Variants in PRAMEF1 observed in about 807,000 individuals in gnomAD.
PRAMEF1 encodes PRAME family member 1.
Under a neutral mutation model 38.2 loss-of-function variants are expected in PRAMEF1, and 21 were observed. The observed-to-expected ratio is 0.55, with a 90% CI of 0.39 to 0.79. PRAMEF1 has a LOEUF of 0.79. Ranked by LOEUF, PRAMEF1 falls within the 30% of genes least tolerant of loss-of-function variation. The probability of loss-of-function intolerance (pLI) is 0.00; values close to 1 mark genes in which losing one functional copy is unlikely to be tolerated. For synonymous variants in PRAMEF1, 200 were observed against 229.0 expected (o/e 0.87, Z 1.14); for missense variants, 497 against 565.8 (o/e 0.88, Z 1.23).
At position 12,793,433 on chromosome 1, in the gene PRAMEF1, T is replaced by C; in HGVS notation, c.206T>C (p.Leu69Pro). 1 of 1,610,042 alleles carries C rather than the reference T, an allele frequency of 6.2e-7. No homozygotes were observed. The highest frequency in any genetic ancestry group is 8.5e-7 in the Non-Finnish European group (1 of 1,177,928). ...WPFTCLPLGS[L>P]MKTLHLETLK... ...TTCACCTGCCTCCCTCTGGGATCAC[T>C]GATGAAGACGCTTCATTTGGAGACC... The change falls in exon 2 of 4, where the codon CTG becomes CCG. Residue 69 changes from leucine (L) to proline (P), a missense_variant. By Grantham distance (98) the Leu-to-Pro change is moderately conservative (BLOSUM62 -3). Coordinates refer to ENST00000332296, the MANE Select transcript of PRAMEF1 (RefSeq NM_023013.4).
chr1:12,791,850 A>T (rs1226893793), intron 1 of PRAMEF1, among the ~76,000 whole-genome samples: 1 of 150,786 alleles, frequency 6.6e-6, no homozygotes, highest in African/African-American at 2.4e-5. Context: ...CCTTAAAGGT[A>T]TCCCACACAG....
In PRAMEF1 at chr1:12,796,067, T is replaced by C. The variant is rs1461230621; in HGVS notation, c.*71T>C. The C allele has an allele frequency of 5.8e-6, 8 of 1,387,544 alleles. 1 individual carries two copies. In the East Asian group the frequency reaches 7.3e-5, roughly 13 times the overall value. 86.0% of individuals were successfully genotyped at this position (1,387,544 alleles called of 1,614,324 possible). On this transcript the variant is annotated 3_prime_UTR_variant, in exon 4 of 4. Transcript: ENST00000332296. Reference sequence around the variant, plus strand: ...GGCACTTGGACACTAAAATCTACTATGTGGGTGCAAACTATTTTTCTCTTT... The same window carrying C: ...GGCACTTGGACACTAAAATCTACTACGTGGGTGCAAACTATTTTTCTCTTT...
intron 2 of PRAMEF1, among the ~76,000 whole-genome samples, 151 bp from the exon 3 acceptor site, chr1:12,793,759 CAAAAG>C (rs1466670859): frequency 6.6e-6 from 1 of 151,194 alleles, no homozygotes; most frequent in African/African-American, 2.4e-5. Flanking sequence ...AGTGGGGAAT[CAAAAG>C]TCAGAATCAA....
In PRAMEF1 at chr1:12,793,077, A is replaced by G. The variant is rs1178012442; in HGVS notation, c.-25-126A>G. On this transcript the variant is annotated intron_variant, in intron 1 of 3. Coordinates refer to ENST00000332296, the MANE Select transcript of PRAMEF1 (RefSeq NM_023013.4). ...TCAGTGGAGCAATGGAAGAAAATTA[A>G]TAAGTCAGTGGTCTCCATGACCCCT... The G allele has an allele frequency of 1.3e-5, 17 of 1,290,014 alleles. No homozygotes were observed. In the African/African-American group the frequency reaches 2.4e-4, roughly 18 times the overall value. 79.9% of individuals were successfully genotyped at this position (1,290,014 alleles called of 1,614,324 possible). A position where few individuals can be genotyped will look rare whatever the true frequency, so the allele number is the denominator to read the frequency against.
intron 3 of PRAMEF1, 33 bp from the exon 4 acceptor site, chr1:12,795,405 C>T (rs771399098): frequency 6.2e-7 from 1 of 1,609,322 alleles, no homozygotes; most frequent in South Asian, 1.1e-5. Flanking sequence ...TAACTGGTAT[C>T]ACTGCCCAGA....
rs200125597 is a variant in PRAMEF1, at chr1:12,794,453, T to A, written c.826T>A (p.Leu276Met). The A allele has an allele frequency of 3.7e-4, 590 of 1,602,574 alleles. 77 individuals carry two copies. The highest frequency in any genetic ancestry group is 1.4e-3 in the South Asian group (129 of 90,110). Residue 276 changes from leucine (L) to methionine (M), a missense_variant, in exon 3 of 4, where the codon TTG becomes ATG. Around this residue, in one of 2 missense-constraint regions of PRAMEF1, gnomAD observed 470 missense variants for 501.9 expected, o/e 0.94. Coordinates refer to ENST00000332296, the MANE Select transcript of PRAMEF1 (RefSeq NM_023013.4). ...LEHLQLLKIKLITFFSGHLEQ... is the reference protein window; with the variant it reads ...LEHLQLLKIKMITFFSGHLEQ... Reference sequence around the variant, plus strand: ...ACACCTTCAGTTGCTTAAAATAAAATTGATCACCTTCTTCAGTGGGCACCT... The same window carrying A: ...ACACCTTCAGTTGCTTAAAATAAAAATGATCACCTTCTTCAGTGGGCACCT...
chr1:12,793,137 A>G, intron 1 of PRAMEF1, 66 bp from the exon 2 acceptor site: 1 of 1,560,854 alleles, frequency 6.4e-7, no homozygotes, highest in Non-Finnish European at 8.7e-7. Flanking sequence ...TCTTCCTGGT[A>G]CCAGTAGAAG....
At chr1:12,793,640 G>A (rs1328821819) in intron 2 of PRAMEF1, 126 bp downstream of exon 2, 2 of 1,555,128 alleles carry the variant, frequency 1.3e-6, no homozygotes, top group Admixed American at 1.8e-5. Context: ...GGAAGATCAG[G>A]GAGGCTTTGG....
At chr1:12,795,204 T>G (rs1293868567) in intron 3 of PRAMEF1, among the ~76,000 whole-genome samples, 2 of 150,902 alleles carry the variant, frequency 1.3e-5, no homozygotes, top group Non-Finnish European at 2.9e-5. Context: ...AAAAAAGGCT[T>G]TAGAGATTTT....
In PRAMEF1 at chr1:12,793,434, G is replaced by A. The variant is rs1188459711; in HGVS notation, c.207G>A (p.Leu69=). Residue 69 remains leucine (L), a synonymous_variant, in exon 2 of 4, where the codon CTG becomes CTA. Coordinates refer to ENST00000332296, the MANE Select transcript of PRAMEF1 (RefSeq NM_023013.4). ...TCACCTGCCTCCCTCTGGGATCACT[G>A]ATGAAGACGCTTCATTTGGAGACCT... is the stretch of plus-strand genomic sequence containing the variant. ...WPFTCLPLGS[L]MKTLHLETLK... The A allele has an allele frequency of 4.8e-5, 78 of 1,609,904 alleles. 4 individuals carry two copies. Among genetic ancestry groups the A allele is most frequent in the Middle Eastern group, 1.7e-4 (1 of 5,942 alleles).
intron 3 of PRAMEF1, 155 bp downstream of exon 3, chr1:12,794,648 T>C: frequency 6.6e-7 from 1 of 1,507,448 alleles, no homozygotes; most frequent in South Asian, 1.3e-5. Flanking sequence ...CAGTGTTCCA[T>C]GTCCTGGAGT....
At position 12,791,534 on chromosome 1, in the gene PRAMEF1, G is replaced by A. The variant is rs549816007; in HGVS notation, c.-26+60G>A. ...GATCAGCAGCCAGCCAGTCAGGGAC[G>A]GTGACACACATCCCAAAGTGGCACA... On this transcript the variant is annotated intron_variant, in intron 1 of 3. Coordinates refer to ENST00000332296, the MANE Select transcript of PRAMEF1 (RefSeq NM_023013.4). 5.7e-3 allele frequency: 842 copies of A among 148,042 alleles called. 14 individuals are homozygous for A. Among genetic ancestry groups the A allele is most frequent in the African/African-American group, 0.019 (765 of 40,824 alleles). 9.2% of individuals were successfully genotyped at this position (148,042 alleles called of 1,614,324 possible).
chr1:12,792,936 C>G lies in PRAMEF1; in HGVS notation c.-25-267C>G, dbSNP rs528203584. ...ACTGAGAATGGAGGCTGTCTGGGGCCACAGGACACTCTCATTCTCATTGCT... is the reference window on the plus strand; with the variant it reads ...ACTGAGAATGGAGGCTGTCTGGGGCGACAGGACACTCTCATTCTCATTGCT... On this transcript the variant is annotated intron_variant, in intron 1 of 3. Transcript: ENST00000332296. Among the ~76,000 whole-genome samples the G allele has an allele frequency of 7.1e-3, 1,077 of 151,066 alleles. 37 individuals are homozygous for G. The highest frequency in any genetic ancestry group is 0.025 in the African/African-American group (1,031 of 41,272).
intron 3 of PRAMEF1, among the ~76,000 whole-genome samples, 188 bp from the exon 4 acceptor site, chr1:12,795,250 G>A (rs1194728630): frequency 6.6e-6 from 1 of 151,756 alleles, no homozygotes; most frequent in Non-Finnish European, 1.5e-5. Context: ...AATGGTGAAA[G>A]GGCTGAGGCT....
At position 12,791,686 on chromosome 1, in the gene PRAMEF1, C is replaced by G. The variant is rs368178124; in HGVS notation, c.-26+212C>G. Among the ~76,000 whole-genome samples the G allele has an allele frequency of 1.3e-3, 195 of 150,556 alleles. 2 individuals carry two copies. The Middle Eastern group carries it at 0.042, about 32-fold the overall frequency. ...GTTTTTGTCATTTTAAAATTCTTAT[C>G]GAAGCAGGTTTTTTAAAAATATATT... is the stretch of plus-strand genomic sequence containing the variant. On this transcript the variant is annotated intron_variant, in intron 1 of 3. Transcript: ENST00000332296.
At position 12,794,167 on chromosome 1, in the gene PRAMEF1, G is replaced by GTTC; in HGVS notation, c.541_542insTCT (p.Leu180_Cys181insPhe). ...ACCAAAGGAGAGGTTTAGTACACCT[G>GTTC]TGCTGTAGTAAGCTGGTCAATTATC... On this transcript the variant is annotated inframe_insertion, in exon 3 of 4. Transcript: ENST00000332296. 6.2e-7 allele frequency: 1 copy of GTTC among 1,611,086 alleles called. No homozygotes were observed.
rs1063775 is a variant in PRAMEF1 at position 12,794,330 on chromosome 1, C to G, written c.703C>G (p.Arg235Gly). Residue 235 changes from arginine (R) to glycine (G), a missense_variant, in exon 3 of 4, where the codon CGC becomes GGC. By Grantham distance (125) the Arg-to-Gly change is moderately radical. Transcript: ENST00000332296. ...RCYLKEMKNL[R>G]KLVFSRCHHY... is the part of the protein sequence containing the mutation. ...TTACCTGAAGGAGATGAAGAATCTT[C>G]GCAAACTCGTTTTCTCCAGGTGCCA... is the stretch of plus-strand genomic sequence containing the variant. The G allele has an allele frequency of 1.7e-5, 27 of 1,611,966 alleles. No homozygotes were observed. The highest frequency in any genetic ancestry group is 1.5e-4 in the Admixed American group (9 of 59,824).
chr1:12,793,849 C>G (rs1737155), intron 2 of PRAMEF1, 66 bp from the exon 3 acceptor site: 250,406 of 1,180,810 alleles, frequency 0.21, 46,554 homozygotes, highest in East Asian at 0.47. Context: ...TATGGGATGA[C>G]AATGAAAGCA....
intron 1 of PRAMEF1, among the ~76,000 whole-genome samples, chr1:12,792,655 C>A (rs1639313308): frequency 6.6e-6 from 1 of 151,244 alleles, no homozygotes; most frequent in Non-Finnish European, 1.5e-5. Context: ...TGGCTCATTG[C>A]AACTTCTGCC....
Sources: allele counts gnomAD v4.1 joint callset (sites outside exome capture counted in the v4.1 genomes callset), GRCh38; gene constraint gnomAD v4.1.1; regional missense constraint gnomAD v4.1.1; transcripts MANE v1.5; gene names NCBI Gene and HGNC (gene_info 2026-07-23, HGNC 2026-07-21).